The following CWC27 variants were observed in gnomAD, a reference collection of about 807,000 sequenced individuals.
CWC27 encodes spliceosome-associated protein CWC27 homolog.
CWC27 carries 47 observed loss-of-function variants against 63.6 expected under a neutral mutation model. The observed-to-expected ratio is 0.74, with a 90% CI of 0.58 to 0.94. The LOEUF (loss-of-function observed/expected upper bound fraction) is 0.94. CWC27 is among the 40% of genes least tolerant of loss of function. CWC27 has a pLI of 0.00. For missense variants in CWC27, 495 were observed against 554.3 expected, an observed-to-expected ratio of 0.89 and a Z score of 1.07; for synonymous variants, 175 against 179.8, an observed-to-expected ratio of 0.97 and a Z score of 0.22.
rs539050814 is a variant in CWC27, at chr5:64,842,112, G to A, written c.938+37726G>A. Among the ~76,000 whole-genome samples, 73 of 152,234 alleles carry A rather than the reference G, an allele frequency of 4.8e-4. 1 individual carries two copies. Among genetic ancestry groups the A allele is most frequent in the Non-Finnish European group, 6.3e-4 (43 of 68,014 alleles). ...ATTCTTTTACATTTTGTCTATTGCT[G>A]CTTTTATGCTACGATGACAGATTTG... is the stretch of plus-strand genomic sequence containing the variant. On this transcript the variant is annotated intron_variant, in intron 10 of 13. Transcript: ENST00000381070.
At chr5:64,938,942 T>G (rs1380629073) in intron 11 of CWC27, among the ~76,000 whole-genome samples, 1 of 152,160 alleles carries the variant, frequency 6.6e-6, no homozygotes, top group East Asian at 1.9e-4. Context: ...TCGTGATGTG[T>G]TTTTCAGCTC....
At chr5:64,932,135 CT>C (rs922558557) in intron 11 of CWC27, among the ~76,000 whole-genome samples, 4 of 152,116 alleles carry the variant, frequency 2.6e-5, no homozygotes, top group African/African-American at 9.6e-5. Context: ...TAAGTAAACA[CT>C]ATTATTATTA....
At chr5:64,837,527 C>A (rs1745688247) in intron 10 of CWC27, among the ~76,000 whole-genome samples, 2 of 150,454 alleles carry the variant, frequency 1.3e-5, no homozygotes, top group Non-Finnish European at 1.5e-5. Flanking sequence ...TGTGAAGAAA[C>A]CAGAAAATAT....
At chr5:64,822,721 T>G (rs1349106389) in intron 10 of CWC27, among the ~76,000 whole-genome samples, 1 of 152,200 alleles carries the variant, frequency 6.6e-6, no homozygotes, top group Non-Finnish European at 1.5e-5. Flanking sequence ...ATTAATAGAT[T>G]AATTTTTTTA....
chr5:64,807,457 C>A, intron 10 of CWC27: 2 of 1,073,196 alleles, frequency 1.9e-6, no homozygotes, highest in Non-Finnish European at 2.5e-6. Flanking sequence ...GAAAAAAGAG[C>A]TCAGGGGAAA....
At chr5:64,885,051 T>A (rs529900463) in intron 10 of CWC27, among the ~76,000 whole-genome samples, 1 of 152,170 alleles carries the variant, frequency 6.6e-6, no homozygotes, top group Non-Finnish European at 1.5e-5. Context: ...AATTCAACCA[T>A]TTTTGAAGCC....
At chr5:64,902,078 A>T (rs1054917886) in intron 11 of CWC27, among the ~76,000 whole-genome samples, 4 of 152,150 alleles carry the variant, frequency 2.6e-5, no homozygotes, top group Admixed American at 6.5e-5. Flanking sequence ...TACAATTAAA[A>T]TTTTCTTTTT....
chr5:64,992,473 A>G (rs1265780964), intron 13 of CWC27, among the ~76,000 whole-genome samples: 1 of 151,956 alleles, frequency 6.6e-6, no homozygotes, highest in Non-Finnish European at 1.5e-5. Flanking sequence ...AACAATATTC[A>G]TCTTCTGGAG....
At chr5:64,950,190 C>G (rs13355440) in intron 11 of CWC27, among the ~76,000 whole-genome samples, 69,081 of 151,642 alleles carry the variant, frequency 0.46, 15,897 homozygotes, top group African/African-American at 0.5. Context: ...TCTACTTATG[C>G]CTTACATTAT....
intron 7 of CWC27, among the ~76,000 whole-genome samples, chr5:64,792,997 C>T (rs965046457): frequency 3.9e-5 from 6 of 152,052 alleles, no homozygotes; most frequent in African/African-American, 1.2e-4. Context: ...ATATACTATA[C>T]ATTATAACTG....
chr5:64,814,855 GAAGT>G (rs1561419595), intron 10 of CWC27, among the ~76,000 whole-genome samples: 2 of 152,158 alleles, frequency 1.3e-5, no homozygotes, highest in Non-Finnish European at 2.9e-5. Context: ...AGTCCAGGGA[GAAGT>G]AATAAGGGCC....
At position 64,846,008 on chromosome 5, in the gene CWC27, G is replaced by A. The variant is rs1343082348; in HGVS notation, c.939-39435G>A. 2.6e-5 allele frequency among the ~76,000 whole-genome samples: 4 copies of A among 152,084 alleles called. No homozygotes were observed. The East Asian group carries it at 5.8e-4, about 22-fold the overall frequency. On this transcript the variant is annotated intron_variant, in intron 10 of 13. Coordinates refer to ENST00000381070, the MANE Select transcript of CWC27 (RefSeq NM_005869.4). ...GATAATAAACACATCACATACAAAG[G>A]AGACAATATGACTATCAGCAGATTT... is the stretch of plus-strand genomic sequence containing the variant.
At chr5:64,776,889 A>G (rs1372447161) in intron 2 of CWC27, among the ~76,000 whole-genome samples, 2 of 152,156 alleles carry the variant, frequency 1.3e-5, no homozygotes, top group Non-Finnish European at 2.9e-5. Context: ...AGGATGGTTT[A>G]TAGCCTTTAA....
intron 11 of CWC27, among the ~76,000 whole-genome samples, chr5:64,915,931 A>G (rs139184396): frequency 6.6e-6 from 1 of 152,196 alleles, no homozygotes. Flanking sequence ...TGTTCTTTCT[A>G]TTGTATTTAC....
chr5:64,899,634 C>T (rs758404986), intron 11 of CWC27, among the ~76,000 whole-genome samples: 1 of 152,094 alleles, frequency 6.6e-6, no homozygotes, highest in Non-Finnish European at 1.5e-5. Context: ...AGGGCCCAGT[C>T]AAAAGACAGA....
At chr5:64,790,159 T>C (rs1744024606) in intron 7 of CWC27, among the ~76,000 whole-genome samples, 1 of 152,156 alleles carries the variant, frequency 6.6e-6, no homozygotes, top group East Asian at 1.9e-4. Context: ...GGATTCAATT[T>C]CCATTTACCT....
intron 10 of CWC27, among the ~76,000 whole-genome samples, chr5:64,829,336 G>A (rs1235593857): frequency 6.6e-6 from 1 of 151,982 alleles, no homozygotes; most frequent in Non-Finnish European, 1.5e-5. Context: ...TTATTTGTAT[G>A]TTATTTAGAA....
At chr5:64,918,582 T>C (rs937229878) in intron 11 of CWC27, among the ~76,000 whole-genome samples, 1 of 151,934 alleles carries the variant, frequency 6.6e-6, no homozygotes, top group African/African-American at 2.4e-5. Flanking sequence ...AAAAAGAAAA[T>C]GGAGTTCTTA....
intron 11 of CWC27, among the ~76,000 whole-genome samples, chr5:64,960,250 A>G (rs1748882691): frequency 6.6e-6 from 1 of 151,938 alleles, no homozygotes; most frequent in Non-Finnish European, 1.5e-5. Flanking sequence ...GAAACAACCA[A>G]ACTGGTTAAG....
Sources: gnomAD v4.1 joint callset for allele counts (sites outside exome capture counted in the v4.1 genomes callset) on GRCh38, gnomAD v4.1.1 for gene constraint, MANE v1.5 for transcripts, NCBI Gene and HGNC (gene_info 2026-07-23, HGNC 2026-07-21) for gene names.